ST6GALNAC3: variants seen among roughly 807,000 people sequenced by gnomAD.
ST6GALNAC3 encodes the protein ST6 N-acetylgalactosaminide alpha-2,6-sialyltransferase 3.
A neutral mutation model predicts 32.7 loss-of-function variants in ST6GALNAC3; 25 were observed. The ratio of observed to expected loss-of-function variants is 0.76; its 90% CI spans 0.56 to 1.07. ST6GALNAC3 has a LOEUF of 1.07. Among genes scored for constraint, ST6GALNAC3 ranks in the 50% least tolerant of loss-of-function variants. The pLI is 0.00. For missense variants in ST6GALNAC3, 355 were observed against 382.4 expected (o/e 0.93, Z 0.60); for synonymous variants, 129 against 133.1 (o/e 0.97, Z 0.21).
chr1:76,080,926 T>C (rs1296720991), intron 1 of ST6GALNAC3, among the ~76,000 whole-genome samples: 1 of 152,228 alleles, frequency 6.6e-6, no homozygotes, highest in Non-Finnish European at 1.5e-5. Context: ...ACTGAGCAGA[T>C]GCTTTTGCTA....
At chr1:76,597,865 T>G (rs1313612449) in intron 3 of ST6GALNAC3, among the ~76,000 whole-genome samples, 5 of 152,168 alleles carry the variant, frequency 3.3e-5, no homozygotes, top group Non-Finnish European at 7.4e-5. Context: ...CTTGGCTCTG[T>G]CTGGGATGTC....
intron 1 of ST6GALNAC3, among the ~76,000 whole-genome samples, chr1:76,120,727 C>T (rs1458166405): frequency 6.6e-6 from 1 of 152,198 alleles, no homozygotes; most frequent in Non-Finnish European, 1.5e-5. Context: ...AACTCCTGCT[C>T]TTTCTCTGAA....
chr1:76,456,963 C>T (rs1414196463), intron 3 of ST6GALNAC3, among the ~76,000 whole-genome samples: 1 of 152,218 alleles, frequency 6.6e-6, no homozygotes, highest in South Asian at 2.1e-4. Flanking sequence ...CCCATTGTCT[C>T]AGCCCAAAAT....
At chr1:76,103,194 T>G (rs1195031239) in intron 1 of ST6GALNAC3, among the ~76,000 whole-genome samples, 1 of 151,864 alleles carries the variant, frequency 6.6e-6, no homozygotes, top group Non-Finnish European at 1.5e-5. Context: ...GCTTGGGGTT[T>G]CTAGGATTCT....
At chr1:76,425,183 A>G (rs1655286480) in intron 3 of ST6GALNAC3, among the ~76,000 whole-genome samples, 1 of 151,994 alleles carries the variant, frequency 6.6e-6, no homozygotes, top group African/African-American at 2.4e-5. Context: ...AACTAGAGGC[A>G]GAACTTTTCA....
chr1:76,498,872 G>A (rs1011184150), intron 3 of ST6GALNAC3, among the ~76,000 whole-genome samples: 1 of 151,874 alleles, frequency 6.6e-6, no homozygotes, highest in African/African-American at 2.4e-5. Flanking sequence ...TTAAATTATT[G>A]CAATACTTCA....
At position 76,269,435 on chromosome 1, in the gene ST6GALNAC3, C is replaced by T. The variant is rs181302729; in HGVS notation, c.19-44370C>T. 7.2e-5 allele frequency among the ~76,000 whole-genome samples: 11 copies of T among 152,316 alleles called. No individual in the cohort carries two copies. The East Asian group carries it at 1.9e-3, about 27-fold the overall frequency. On this transcript the variant is annotated intron_variant, in intron 1 of 4. Coordinates refer to ENST00000328299, the MANE Select transcript of ST6GALNAC3 (RefSeq NM_152996.4). Reference sequence around the variant, plus strand: ...TTGTGGCCATGCTGGAATGAGGGCCCTTTGTTGCCAAATTTTCAGATTTTT... The same window carrying T: ...TTGTGGCCATGCTGGAATGAGGGCCTTTTGTTGCCAAATTTTCAGATTTTT...
intron 3 of ST6GALNAC3, among the ~76,000 whole-genome samples, chr1:76,432,629 A>AT: frequency 6.6e-6 from 1 of 150,784 alleles, no homozygotes; most frequent in Admixed American, 6.6e-5. Context: ...TAATTTTTAA[A>AT]TTTTTTTTGT....
intron 1 of ST6GALNAC3, among the ~76,000 whole-genome samples, chr1:76,165,669 C>T (rs1175395349): frequency 1.3e-5 from 2 of 152,184 alleles, no homozygotes; most frequent in Non-Finnish European, 2.9e-5. Context: ...TCCACAACTT[C>T]ACCAGCATCT....
chr1:76,579,449 T>C lies in ST6GALNAC3; in HGVS notation c.624-48003T>C, dbSNP rs559947283. ...TATGAGTAGAATACCAATCCCACAC[T>C]AAAAAAATTCACCGTAAGTCTTAAT... On this transcript the variant is annotated intron_variant, in intron 3 of 4. Coordinates refer to ENST00000328299, the MANE Select transcript of ST6GALNAC3 (RefSeq NM_152996.4). Among the ~76,000 whole-genome samples the C allele has an allele frequency of 3.9e-5, 6 of 152,060 alleles. No individual in the cohort carries two copies. In the East Asian group the frequency reaches 1.2e-3, roughly 29 times the overall value.
intron 2 of ST6GALNAC3, among the ~76,000 whole-genome samples, chr1:76,370,793 A>G (rs12755056): frequency 0.044 from 6,734 of 152,038 alleles, 217 homozygotes; most frequent in African/African-American, 0.084. Context: ...ATTTTTTTCT[A>G]TGTAATGAAT....
At chr1:76,491,637 A>G (rs181245495) in intron 3 of ST6GALNAC3, among the ~76,000 whole-genome samples, 1 of 152,242 alleles carries the variant, frequency 6.6e-6, no homozygotes, top group East Asian at 1.9e-4. Flanking sequence ...TAGGAGACAC[A>G]TCTGCCATTG....
chr1:76,496,761 G>A (rs1338160308), intron 3 of ST6GALNAC3, among the ~76,000 whole-genome samples: 1 of 152,178 alleles, frequency 6.6e-6, no homozygotes, highest in Non-Finnish European at 1.5e-5. Context: ...TAATTGTATT[G>A]ATTTGTTTAT....
intron 1 of ST6GALNAC3, among the ~76,000 whole-genome samples, chr1:76,229,490 C>T (rs931700553): frequency 6.6e-6 from 1 of 152,164 alleles, no homozygotes; most frequent in African/African-American, 2.4e-5. Flanking sequence ...CTCTTCCTGC[C>T]TTTGTGTCTC....
chr1:76,140,629 CT>C (rs55680590), intron 1 of ST6GALNAC3, among the ~76,000 whole-genome samples: 88,156 of 118,938 alleles, frequency 0.74, 32,578 homozygotes, highest in East Asian at 0.94. Flanking sequence ...TTCTTTCTTT[CT>C]TTTTTTTTTT....
chr1:76,542,732 T>G (rs1375532261), intron 3 of ST6GALNAC3, among the ~76,000 whole-genome samples: 1 of 152,156 alleles, frequency 6.6e-6, no homozygotes, highest in Non-Finnish European at 1.5e-5. Context: ...AATAGATAGG[T>G]ACATTATAAA....
rs1651286014 is a variant in ST6GALNAC3, at chr1:76,154,741, G to A, written c.18+79857G>A. ...TTTGGGGAGAGCAGGAGTGCCCGTG[G>A]TTAGTGTGGATCAGCCTGACAGGAG... On this transcript the variant is annotated intron_variant, in intron 1 of 4. Coordinates refer to ENST00000328299, the MANE Select transcript of ST6GALNAC3 (RefSeq NM_152996.4). Among the ~76,000 whole-genome samples, 4 of 152,142 alleles carry A rather than the reference G, an allele frequency of 2.6e-5. No individual in the cohort carries two copies. In the South Asian group the frequency reaches 8.3e-4, roughly 32 times the overall value.
intron 3 of ST6GALNAC3, among the ~76,000 whole-genome samples, chr1:76,480,830 C>T (rs534749395): frequency 6.6e-6 from 1 of 152,076 alleles, no homozygotes; most frequent in South Asian, 2.1e-4. Flanking sequence ...AATCAAAATG[C>T]CATATATTGA....
At position 76,630,358 on chromosome 1, in the gene ST6GALNAC3, A is replaced by G. The variant is rs1649229568; in HGVS notation, c.*1552A>G. On this transcript the variant is annotated 3_prime_UTR_variant, in exon 5 of 5. Coordinates refer to ENST00000328299, the MANE Select transcript of ST6GALNAC3 (RefSeq NM_152996.4). ...CACGTGTGGTTCTATTTAGGTGGGGAAAAAATGAAAAAGCAGGGACAACAG... is the reference window on the plus strand; with the variant it reads ...CACGTGTGGTTCTATTTAGGTGGGGGAAAAATGAAAAAGCAGGGACAACAG... 1 of 985,030 alleles carries G rather than the reference A, an allele frequency of 1.0e-6. No homozygotes were observed. Among genetic ancestry groups the G allele is most frequent in the African/African-American group, 1.7e-5 (1 of 57,176 alleles). 61.0% of individuals were successfully genotyped at this position (985,030 alleles called of 1,614,324 possible). A position where few individuals can be genotyped will look rare whatever the true frequency, so the allele number is the denominator to read the frequency against.
Sources: allele counts gnomAD v4.1 joint callset (sites outside exome capture counted in the v4.1 genomes callset), GRCh38; gene constraint gnomAD v4.1.1; transcripts MANE v1.5; gene names NCBI Gene and HGNC (gene_info 2026-07-23, HGNC 2026-07-21).